GRID2: variants seen among roughly 807,000 people sequenced by gnomAD.
GRID2 encodes the protein glutamate receptor ionotropic, delta-2.
GRID2 carries 33 observed loss-of-function variants against 114.8 expected under a neutral mutation model. The ratio of observed to expected loss-of-function variants is 0.29; its 90% CI spans 0.22 to 0.38. GRID2 has a LOEUF of 0.38. Among genes scored for constraint, GRID2 ranks in the 10% least tolerant of loss-of-function variants. GRID2 has a pLI of 1.00. For missense variants in GRID2, 1,184 were observed against 1,257.7 expected (o/e 0.94, Z 0.89); for synonymous variants, 505 against 449.9 (o/e 1.12, Z -1.55).
chr4:93,059,705 A>G (rs1727593244), intron 2 of GRID2, among the ~76,000 whole-genome samples: 1 of 152,110 alleles, frequency 6.6e-6, no homozygotes, highest in Non-Finnish European at 1.5e-5. Context: ...AGACATTCTA[A>G]TTAAACATAT....
intron 2 of GRID2, among the ~76,000 whole-genome samples, chr4:92,698,269 T>A (rs1346985912): frequency 1.3e-5 from 2 of 152,162 alleles, no homozygotes; most frequent in African/African-American, 2.4e-5. Context: ...AATCACATAT[T>A]ATCATTTTCA....
chr4:92,594,085 C>T (rs1728836058), intron 2 of GRID2, among the ~76,000 whole-genome samples: 1 of 151,514 alleles, frequency 6.6e-6, no homozygotes, highest in African/African-American at 2.4e-5. Flanking sequence ...GGTTACCATG[C>T]TTGTGTGTAG....
chr4:93,706,873 T>TGA (rs1728047408), intron 14 of GRID2, among the ~76,000 whole-genome samples: 1 of 152,168 alleles, frequency 6.6e-6, no homozygotes, highest in Non-Finnish European at 1.5e-5. Context: ...TTTATTGTAT[T>TGA]GAGGCATGTT....
chr4:92,970,563 C>G (rs1207846369), intron 2 of GRID2, among the ~76,000 whole-genome samples: 1 of 151,910 alleles, frequency 6.6e-6, no homozygotes. Context: ...CTGTGTCTTT[C>G]ATGTTTCATA....
intron 8 of GRID2, among the ~76,000 whole-genome samples, chr4:93,357,548 G>T (rs1199388087): frequency 6.6e-6 from 1 of 150,904 alleles, no homozygotes; most frequent in Non-Finnish European, 1.5e-5. Context: ...ATTTAGAAAG[G>T]TCTTTCTTTT....
At chr4:93,264,820 A>T (rs1237036435) in intron 8 of GRID2, among the ~76,000 whole-genome samples, 1 of 149,258 alleles carries the variant, frequency 6.7e-6, no homozygotes, top group Non-Finnish European at 1.5e-5. Context: ...GTCCTGCTCT[A>T]TTGCCAGGCT....
chr4:92,713,963 C>G (rs1034645756), intron 2 of GRID2, among the ~76,000 whole-genome samples: 1 of 152,082 alleles, frequency 6.6e-6, no homozygotes, highest in Non-Finnish European at 1.5e-5. Context: ...CAAAACCAAT[C>G]ATGCCTTCCC....
intron 13 of GRID2, among the ~76,000 whole-genome samples, chr4:93,614,567 GTAT>G (rs1741389772): frequency 6.6e-6 from 1 of 151,880 alleles, no homozygotes; most frequent in Admixed American, 6.6e-5. Context: ...ATATTATTCT[GTAT>G]TATTTATTTT....
chr4:93,622,449 T>A (rs1742295535), intron 13 of GRID2, among the ~76,000 whole-genome samples: 1 of 152,148 alleles, frequency 6.6e-6, no homozygotes, highest in African/African-American at 2.4e-5. Context: ...GCCTTAAACA[T>A]CAAACATCAT....
chr4:93,181,561 T>C (rs957608301), intron 4 of GRID2, among the ~76,000 whole-genome samples: 18 of 152,166 alleles, frequency 1.2e-4, no homozygotes, highest in Non-Finnish European at 2.1e-4. Context: ...TTAATGTAAA[T>C]GAAAATTTGT....
At chr4:92,510,131 C>T (rs1188988686) in intron 1 of GRID2, among the ~76,000 whole-genome samples, 1 of 151,878 alleles carries the variant, frequency 6.6e-6, no homozygotes, top group East Asian at 1.9e-4. Flanking sequence ...ATGCCCAGTC[C>T]AAGGTGGTAA....
intron 13 of GRID2, among the ~76,000 whole-genome samples, chr4:93,564,447 A>C (rs1212509887): frequency 1.3e-5 from 2 of 152,054 alleles, no homozygotes; most frequent in East Asian, 1.9e-4. Flanking sequence ...CACTGAGTGC[A>C]CTTTCCAGTA....
rs1723723315 is a variant in GRID2 at position 93,461,360 on chromosome 4, A to C, written c.1858+5386A>C. ...TATAAACCCTATGAAAAAGAGAATA[A>C]ATCAATGACAGTGTCCATGTATAGG... On this transcript the variant is annotated intron_variant, in intron 11 of 15. Transcript: ENST00000282020. Among the ~76,000 whole-genome samples the C allele has an allele frequency of 2.0e-5, 3 of 152,206 alleles. No individual in the cohort carries two copies. In the South Asian group the frequency reaches 6.2e-4, roughly 32 times the overall value.
chr4:92,567,768 C>A (rs934525299), intron 1 of GRID2, among the ~76,000 whole-genome samples: 6 of 151,902 alleles, frequency 3.9e-5, no homozygotes, highest in African/African-American at 1.5e-4. Context: ...TTGTTGATAT[C>A]TTTTAAAATA....
intron 4 of GRID2, among the ~76,000 whole-genome samples, chr4:93,162,348 G>T (rs1381244721): frequency 2.0e-5 from 3 of 151,884 alleles, no homozygotes; most frequent in Non-Finnish European, 4.4e-5. Flanking sequence ...CAATTTTCAT[G>T]CCTATTAGTG....
chr4:93,308,631 G>A (rs1182490250), intron 8 of GRID2, among the ~76,000 whole-genome samples: 1 of 152,170 alleles, frequency 6.6e-6, no homozygotes, highest in Non-Finnish European at 1.5e-5. Flanking sequence ...ACATAATGGA[G>A]AAAGGCAGTA....
At chr4:93,422,497 G>A (rs1260626983) in intron 9 of GRID2, among the ~76,000 whole-genome samples, 1 of 152,058 alleles carries the variant, frequency 6.6e-6, no homozygotes, top group African/African-American at 2.4e-5. Context: ...GTCCTCCGAG[G>A]ACAGGAAAAA....
chr4:93,799,802 C>A (rs1403182771), intron 1 of GRID2, among the ~76,000 whole-genome samples: 1 of 152,026 alleles, frequency 6.6e-6, no homozygotes, highest in Non-Finnish European at 1.5e-5. Flanking sequence ...AATCAAATTG[C>A]TATGTTTTGT....
intron 13 of GRID2, among the ~76,000 whole-genome samples, chr4:93,554,127 T>C (rs1171562914): frequency 2.6e-5 from 4 of 152,122 alleles, no homozygotes; most frequent in Non-Finnish European, 5.9e-5. Context: ...TGGTCTACTA[T>C]TAGTATGTTG....
Sources: allele counts gnomAD v4.1 joint callset (sites outside exome capture counted in the v4.1 genomes callset), GRCh38; gene constraint gnomAD v4.1.1; transcripts MANE v1.5; gene names NCBI Gene and HGNC (gene_info 2026-07-23, HGNC 2026-07-21).